Variants in NTRK2 observed in about 807,000 individuals in gnomAD.
NTRK2 encodes the protein BDNF/NT-3 growth factors receptor.
A neutral mutation model predicts 94.5 loss-of-function variants in NTRK2; 13 were observed. The ratio of observed to expected loss-of-function variants is 0.14; its 90% CI spans 0.09 to 0.22. The LOEUF (loss-of-function observed/expected upper bound fraction) is 0.22, where lower values mean the gene tolerates loss of function less well. Ranked by LOEUF, NTRK2 falls within the 10% of genes least tolerant of loss-of-function variation. The pLI, the probability that NTRK2 is intolerant of heterozygous loss-of-function variation, is 1.00. For synonymous variants in NTRK2, 372 were observed against 407.4 expected (o/e 0.91, Z 1.05); for missense variants, 639 against 1,071.2 (o/e 0.60, Z 5.63).
chr9:84,848,410 A>G (rs1252581753), intron 12 of NTRK2, among the ~76,000 whole-genome samples: 2 of 152,182 alleles, frequency 1.3e-5, no homozygotes, highest in Non-Finnish European at 2.9e-5. Context: ...GTACCCAGGT[A>G]GCTTCAAATG....
At chr9:84,938,794 T>C (rs2078296377) in intron 15 of NTRK2, among the ~76,000 whole-genome samples, 1 of 152,132 alleles carries the variant, frequency 6.6e-6, no homozygotes, top group African/African-American at 2.4e-5. Flanking sequence ...CTCATGCCTG[T>C]AATCCCTGCA....
At chr9:84,919,178 C>A (rs2077486185) in intron 14 of NTRK2, among the ~76,000 whole-genome samples, 1 of 152,242 alleles carries the variant, frequency 6.6e-6, no homozygotes. Context: ...TGCCTCTCTG[C>A]CCATTCAGAT....
Position 84,724,263 on chromosome 9 carries a change from A to G in NTRK2, c.760A>G (p.Asn254Asp). ...CACACAGGGCTCCTTAAGGATAACT[A>G]ACATTTCATCCGATGACAGTGGGAA... The part of the protein sequence containing the change: ...SHTQGSLRIT[N>D]ISSDDSGKQI... The change falls in exon 8 of 19, where the codon AAC becomes GAC. Residue 254 changes from asparagine to aspartate, a missense_variant. Asn to Asp is a conservative substitution (Grantham distance 23). This residue lies in a region of NTRK2 where 343 missense variants were observed against 571.5 expected (regional missense o/e 0.60). Transcript: ENST00000277120. 1 of 1,614,184 alleles carries G rather than the reference A, an allele frequency of 6.2e-7. No individual in the cohort carries two copies.
intron 12 of NTRK2, among the ~76,000 whole-genome samples, chr9:84,859,167 G>A (rs995845725): frequency 1.3e-5 from 2 of 152,148 alleles, no homozygotes; most frequent in Non-Finnish European, 2.9e-5. Flanking sequence ...TGGGAGAAGC[G>A]GGGTGTGAAT....
intron 2 of NTRK2, among the ~76,000 whole-genome samples, chr9:84,671,327 T>C (rs2058686303): frequency 6.6e-6 from 1 of 152,222 alleles, no homozygotes; most frequent in Non-Finnish European, 1.5e-5. Context: ...GCTGTGTGTA[T>C]GTTGTGTTAG....
At chr9:84,723,917 G>C (rs1050005618) in intron 7 of NTRK2, among the ~76,000 whole-genome samples, 2 of 152,172 alleles carry the variant, frequency 1.3e-5, no homozygotes, top group Non-Finnish European at 2.9e-5. Context: ...ATACCTAAGA[G>C]AGCGAGGAGT....
At chr9:84,711,701 C>T (rs184658306) in intron 6 of NTRK2, among the ~76,000 whole-genome samples, 14 of 152,202 alleles carry the variant, frequency 9.2e-5, no homozygotes, top group African/African-American at 2.6e-4. Context: ...TTTCGGAAGA[C>T]GCTATTATTT....
chr9:84,833,499 GGGAAGGAA>G (rs1014376287), intron 12 of NTRK2, among the ~76,000 whole-genome samples: 1 of 148,272 alleles, frequency 6.7e-6, no homozygotes, highest in African/African-American at 2.5e-5. Context: ...GAAAGAAAGA[GGGAAGGAA>G]GGAAGGAAGG....
In NTRK2 at chr9:84,696,050, C is replaced by T. The variant is rs533400801; in HGVS notation, c.213-6109C>T. Among the ~76,000 whole-genome samples, 10 of 152,270 alleles carry T rather than the reference C, an allele frequency of 6.6e-5. No individual in the cohort carries two copies. The East Asian group carries it at 1.7e-3, about 26-fold the overall frequency. ...TTTAGACAAGATCTTGCTCTGTCAC[C>T]CAGGCTGGAGTGCAGTTGGCGCTAT... is the stretch of plus-strand genomic sequence containing the variant. On this transcript the variant is annotated intron_variant, in intron 2 of 18. Transcript: ENST00000277120.
chr9:84,981,167 G>A lies in NTRK2; in HGVS notation c.2172+25650G>A, dbSNP rs539760835. On this transcript the variant is annotated intron_variant, in intron 17 of 18. Transcript: ENST00000277120. ...GCAATCTCAGCTAATTGAAACTTCC[G>A]CCTCCTGGGTTCAAGCGATTCTCCT... 9.9e-5 allele frequency among the ~76,000 whole-genome samples: 15 copies of A among 152,202 alleles called. No homozygotes were observed. In the South Asian group the frequency reaches 1.2e-3, roughly 13 times the overall value.
At chr9:84,774,429 A>T (rs1431910513) in intron 12 of NTRK2, among the ~76,000 whole-genome samples, 1 of 152,180 alleles carries the variant, frequency 6.6e-6, no homozygotes, top group Admixed American at 6.5e-5. Flanking sequence ...TATCCATGGA[A>T]ACATTTGGTA....
In NTRK2 at chr9:84,670,572, G is replaced by A. The variant is rs200164745; in HGVS notation, c.-177G>A. The A allele has an allele frequency of 2.7e-5, 18 of 673,036 alleles. No individual in the cohort carries two copies. Among genetic ancestry groups the A allele is most frequent in the Non-Finnish European group, 4.4e-5 (17 of 385,504 alleles). The allele number at this position is 673,036 out of a possible 1,614,324, so 41.7% of individuals were successfully genotyped here. A position where few individuals can be genotyped will look rare whatever the true frequency, so the allele number is the denominator to read the frequency against. ...GCCACTGTGAACCCTGCCGCCTGCC[G>A]GAACACTCTTCGCTCCGGACCAGCT... On this transcript the variant is annotated 5_prime_UTR_variant, in exon 2 of 19. Transcript: ENST00000277120.
intron 12 of NTRK2, among the ~76,000 whole-genome samples, chr9:84,855,092 T>G (rs192732526): frequency 6.6e-6 from 1 of 151,680 alleles, no homozygotes; most frequent in African/African-American, 2.4e-5. Context: ...ACCGAGTAGG[T>G]TGGCCTTGTC....
intron 17 of NTRK2, among the ~76,000 whole-genome samples, chr9:84,973,015 T>G (rs529299014): frequency 6.6e-6 from 1 of 152,306 alleles, no homozygotes; most frequent in East Asian, 1.9e-4. Context: ...CTTGCCAAAC[T>G]TCATCTGAGC....
intron 12 of NTRK2, among the ~76,000 whole-genome samples, chr9:84,771,517 C>T (rs777805439): frequency 5.3e-5 from 8 of 152,056 alleles, no homozygotes; most frequent in Non-Finnish European, 1.0e-4. Context: ...GACACAAGCC[C>T]TCTACACAAG....
intron 12 of NTRK2, chr9:84,815,518 G>GTT (rs1267449952): frequency 0.1 from 88,904 of 887,376 alleles, 51 homozygotes; most frequent in East Asian, 0.14. Context: ...CTCATGCCCT[G>GTT]TTTTTTTTTT....
chr9:84,840,665 A>G (rs1432199346), intron 12 of NTRK2, among the ~76,000 whole-genome samples: 3 of 152,026 alleles, frequency 2.0e-5, no homozygotes, highest in Non-Finnish European at 4.4e-5. Flanking sequence ...GAAAAAACAC[A>G]CTGCTCTTGA....
chr9:84,955,092 G>A (rs1823946424), intron 16 of NTRK2, among the ~76,000 whole-genome samples, 191 bp from the exon 17 acceptor site: 1 of 152,160 alleles, frequency 6.6e-6, no homozygotes. Context: ...GTGCTCTCAG[G>A]ACTGCAGAAG....
intron 6 of NTRK2, 49 bp downstream of exon 6, chr9:84,710,840 A>C: frequency 5.0e-6 from 8 of 1,594,252 alleles, no homozygotes; most frequent in East Asian, 2.2e-5. Flanking sequence ...AATTATTCTC[A>C]TTGCCTTGGT....
Sources: gnomAD v4.1 joint callset for allele counts (sites outside exome capture counted in the v4.1 genomes callset) on GRCh38, gnomAD v4.1.1 for gene constraint, gnomAD v4.1.1 regional missense constraint, MANE v1.5 for transcripts, NCBI Gene and HGNC (gene_info 2026-07-23, HGNC 2026-07-21) for gene names.